Variants in PDE4D observed in about 807,000 individuals in gnomAD.
PDE4D encodes 3',5'-cyclic-AMP phosphodiesterase 4D.
A neutral mutation model predicts 87.4 loss-of-function variants in PDE4D; 24 were observed. The ratio of observed to expected loss-of-function variants is 0.27; its 90% CI spans 0.20 to 0.39. The LOEUF (loss-of-function observed/expected upper bound fraction) is 0.39, where lower values mean the gene tolerates loss of function less well. Among genes scored for constraint, PDE4D ranks in the 10% least tolerant of loss-of-function variants. The pLI, the probability that PDE4D is intolerant of heterozygous loss-of-function variation, is 1.00. For synonymous variants in PDE4D, 384 were observed against 383.2 expected (o/e 1.00, Z -0.02); for missense variants, 714 against 1,041.0 (o/e 0.69, Z 4.32).
intron 6 of PDE4D, among the ~76,000 whole-genome samples, chr5:59,008,539 A>G (rs551697823): frequency 6.6e-6 from 1 of 152,174 alleles, no homozygotes; most frequent in East Asian, 1.9e-4. Flanking sequence ...GCATCCACTC[A>G]TAAAACAAGA....
At chr5:59,720,889 A>C (rs1429306765) in intron 1 of PDE4D, among the ~76,000 whole-genome samples, 2 of 152,118 alleles carry the variant, frequency 1.3e-5, no homozygotes, top group Non-Finnish European at 2.9e-5. Context: ...CTAAGATAGA[A>C]TTTCCATTAT....
At chr5:59,551,192 TC>T (rs1818053143) in intron 1 of PDE4D, among the ~76,000 whole-genome samples, 1 of 151,758 alleles carries the variant, frequency 6.6e-6, no homozygotes, top group African/African-American at 2.4e-5. Flanking sequence ...CTTAGAAATA[TC>T]CTCCCTATGT....
chr5:60,047,835 T>A (rs1326426755), intron 2 of PDE4D, among the ~76,000 whole-genome samples: 2 of 151,994 alleles, frequency 1.3e-5, no homozygotes, highest in Non-Finnish European at 2.9e-5. Context: ...AAAAAATGTA[T>A]ATTCTGTTGA....
At chr5:60,335,750 TG>T (rs1429002061) in intron 1 of PDE4D, among the ~76,000 whole-genome samples, 2 of 152,054 alleles carry the variant, frequency 1.3e-5, no homozygotes, top group Non-Finnish European at 2.9e-5. Flanking sequence ...GGGGCACGAG[TG>T]GATGAAATCA....
At chr5:59,116,044 G>A (rs1773555371) in intron 5 of PDE4D, among the ~76,000 whole-genome samples, 1 of 152,136 alleles carries the variant, frequency 6.6e-6, no homozygotes. Flanking sequence ...ATTAGCGTTT[G>A]CTGTAGTCCT....
chr5:59,310,999 C>A (rs547444953), intron 1 of PDE4D, among the ~76,000 whole-genome samples: 18 of 152,156 alleles, frequency 1.2e-4, no homozygotes, highest in Admixed American at 2.0e-4. Context: ...CATTTCATTG[C>A]TGGAATGCTC....
intron 2 of PDE4D, among the ~76,000 whole-genome samples, chr5:60,059,926 C>G (rs774410562): frequency 5.3e-5 from 8 of 151,992 alleles, no homozygotes; most frequent in Non-Finnish European, 8.8e-5. Context: ...CCCCATGACT[C>G]CAAAGCAAAG....
intron 2 of PDE4D, among the ~76,000 whole-genome samples, chr5:60,064,927 T>A (rs1226687945): frequency 6.6e-6 from 1 of 152,194 alleles, no homozygotes; most frequent in South Asian, 2.1e-4. Context: ...TCCATCACCC[T>A]ATTACTGCCT....
intron 5 of PDE4D, among the ~76,000 whole-genome samples, chr5:59,096,962 CACA>C (rs1261055670): frequency 6.6e-6 from 1 of 152,150 alleles, no homozygotes; most frequent in African/African-American, 2.4e-5. Context: ...TATTATAATC[CACA>C]ACATCAGATT....
intron 3 of PDE4D, among the ~76,000 whole-genome samples, chr5:59,944,128 G>C (rs150585678): frequency 1.3e-3 from 196 of 152,356 alleles, no homozygotes; most frequent in Non-Finnish European, 2.4e-3. Context: ...GACTAAGGAA[G>C]TGTTAACTTA....
At chr5:59,300,615 C>T (rs919876738) in intron 1 of PDE4D, among the ~76,000 whole-genome samples, 9 of 151,956 alleles carry the variant, frequency 5.9e-5, no homozygotes, top group Admixed American at 5.9e-4. Context: ...GGCATTTTTC[C>T]TCTACTCTCA....
At chr5:59,113,048 G>A (rs181405305) in intron 5 of PDE4D, among the ~76,000 whole-genome samples, 59 of 151,786 alleles carry the variant, frequency 3.9e-4, no homozygotes, top group African/African-American at 1.3e-3. Context: ...TGATCCAACC[G>A]CCTTGGCCTC....
intron 1 of PDE4D, among the ~76,000 whole-genome samples, chr5:59,648,193 C>CGA (rs1416750036): frequency 6.6e-6 from 1 of 151,994 alleles, no homozygotes; most frequent in African/African-American, 2.4e-5. Context: ...CCACACATCA[C>CGA]GAGAGAGAGA....
At chr5:60,071,501 GT>G (rs2152896387) in intron 2 of PDE4D, among the ~76,000 whole-genome samples, 1 of 152,000 alleles carries the variant, frequency 6.6e-6, no homozygotes, top group East Asian at 1.9e-4. Flanking sequence ...AATCTTAAAA[GT>G]CTTTTTCACA....
intron 3 of PDE4D, among the ~76,000 whole-genome samples, chr5:59,925,901 C>A (rs191715735): frequency 1.3e-3 from 197 of 151,936 alleles, no homozygotes; most frequent in African/African-American, 4.5e-3. Context: ...AGAGGTAGAC[C>A]CCAATACAAT....
chr5:59,629,479 T>C (rs1182054043), intron 1 of PDE4D, among the ~76,000 whole-genome samples: 1 of 149,976 alleles, frequency 6.7e-6, no homozygotes, highest in Non-Finnish European at 1.5e-5. Context: ...CACAGAGACA[T>C]GTACAGAGAG....
chr5:59,506,956 T>C (rs66605058), intron 1 of PDE4D, among the ~76,000 whole-genome samples: 38,379 of 152,074 alleles, frequency 0.25, 6,826 homozygotes, highest in African/African-American at 0.51. Flanking sequence ...TATATATGCA[T>C]TATACAAAAA....
chr5:60,039,258 T>TA (rs1056247983), intron 2 of PDE4D, among the ~76,000 whole-genome samples: 3 of 151,888 alleles, frequency 2.0e-5, no homozygotes, highest in African/African-American at 7.3e-5. Context: ...TATGCAGCCA[T>TA]AAAAAAATGA....
intron 5 of PDE4D, among the ~76,000 whole-genome samples, chr5:59,100,445 A>T (rs1770543689): frequency 6.6e-6 from 1 of 152,188 alleles, no homozygotes; most frequent in South Asian, 2.1e-4. Flanking sequence ...GTCAATTATT[A>T]TCCATGAAAG....
Sources: allele counts gnomAD v4.1 joint callset (sites outside exome capture counted in the v4.1 genomes callset), GRCh38; gene constraint gnomAD v4.1.1; transcripts MANE v1.5; gene names NCBI Gene and HGNC (gene_info 2026-07-23, HGNC 2026-07-21).